PKP3: variants seen among roughly 807,000 people sequenced by gnomAD.
PKP3 encodes the protein plakophilin 3, also known as plakophilin-3.
In PKP3, 66 loss-of-function variants were observed where a neutral mutation model predicts 76.5. The ratio of observed to expected loss-of-function variants is 0.86; its 90% CI spans 0.71 to 1.06. PKP3 has a LOEUF of 1.06. Among genes scored for constraint, PKP3 ranks in the 50% least tolerant of loss-of-function variants. The probability of loss-of-function intolerance (pLI) is 0.00; values close to 1 mark genes in which losing one functional copy is unlikely to be tolerated. For missense variants in PKP3, 1,338 were observed against 1,141.0 expected (o/e 1.17, Z -2.49); for synonymous variants, 638 against 516.5 (o/e 1.24, Z -3.19).
intron 1 of PKP3, chr11:396,027 C>T (rs1429211595): frequency 6.6e-6 from 1 of 152,632 alleles, no homozygotes; most frequent in Admixed American, 6.5e-5. Context: ...CCTGTCTGTC[C>T]ACTCACTGTG....
At position 398,972 on chromosome 11, in the gene PKP3, C is replaced by T. The variant is rs1317046440; in HGVS notation, c.1069-20C>T. 13 of 1,537,436 alleles carry T rather than the reference C, an allele frequency of 8.5e-6. No homozygotes were observed. The Admixed American group carries it at 2.2e-4, about 26-fold the overall frequency. On this transcript the variant is annotated intron_variant, in intron 4 of 12. Coordinates refer to ENST00000331563, the MANE Select transcript of PKP3 (RefSeq NM_007183.4). ...TCCATCCACATGCGTCTGTGCACCC[C>T]CATATGCCTGTGCCCGCAGGCCCGC...
chr11:400,726 G>A (rs1336354706), intron 8 of PKP3, 21 bp downstream of exon 8: 13 of 1,205,256 alleles, frequency 1.1e-5, no homozygotes, highest in Middle Eastern at 3.3e-4. Context: ...GCCTGAGCGG[G>A]GCGTGGGGTG....
chr11:403,888 C>T (rs1202504099), intron 10 of PKP3, 55 bp from the exon 11 acceptor site: 1 of 1,561,410 alleles, frequency 6.4e-7, no homozygotes, highest in East Asian at 2.3e-5. Context: ...CAGGGGACCC[C>T]AGGTGCCCAG....
intron 4 of PKP3, among the ~76,000 whole-genome samples, 171 bp from the exon 5 acceptor site, chr11:398,821 C>CCCGCACACACCTCCGTCACCTCCCTACCG (rs1241317441): frequency 2.3e-4 from 34 of 149,314 alleles, no homozygotes; most frequent in African/African-American, 7.8e-4. Flanking sequence ...CCTCCGTACC[C>CCCGCACACACCTCCGTCACCTCCCTACCG]CCGCACACAC....
intron 4 of PKP3, among the ~76,000 whole-genome samples, chr11:398,302 G>A (rs866684315): frequency 9.3e-4 from 37 of 39,732 alleles, no homozygotes; most frequent in Admixed American, 1.3e-3. Flanking sequence ...CCCTACCCCC[G>A]CACACACCTG....
intron 1 of PKP3, 138 bp downstream of exon 1, chr11:394,662 C>T: frequency 1.5e-6 from 1 of 649,462 alleles, no homozygotes; most frequent in Non-Finnish European, 2.1e-6. Flanking sequence ...CACACCCCGC[C>T]CCAGGGGCGT....
Position 403,070 on chromosome 11 carries a change from C to T in PKP3, c.1738-8C>T, listed in dbSNP as rs1831088822. 1 of 1,485,666 alleles carries T rather than the reference C, an allele frequency of 6.7e-7. No individual in the cohort carries two copies. Among genetic ancestry groups the T allele is most frequent in the Admixed American group, 2.2e-5 (1 of 44,756 alleles). 92.0% of individuals were successfully genotyped at this position (1,485,666 alleles called of 1,614,324 possible). On this transcript the variant is annotated splice_polypyrimidine_tract_variant and splice_region_variant and intron_variant, in intron 8 of 12. Coordinates refer to ENST00000331563, the MANE Select transcript of PKP3 (RefSeq NM_007183.4). ...CCGACCCCGCCGACTCCTCCCCGCC[C>T]TGCGCAGCTGCCCCTCGCCGCCGAT...
At chr11:395,594 C>G (rs1017873473) in intron 1 of PKP3, among the ~76,000 whole-genome samples, 1 of 152,150 alleles carries the variant, frequency 6.6e-6, no homozygotes, top group Non-Finnish European at 1.5e-5. Flanking sequence ...CAGGCTGGGG[C>G]GTGCCCCCAC....
At chr11:395,405 C>G (rs925316017) in intron 1 of PKP3, among the ~76,000 whole-genome samples, 4 of 152,084 alleles carry the variant, frequency 2.6e-5, no homozygotes, top group Non-Finnish European at 4.4e-5. Flanking sequence ...GCGGAGGGGC[C>G]GGCCCGGCGG....
chr11:404,893 T>C lies in PKP3; in HGVS notation c.*324T>C, dbSNP rs1847231479. On this transcript the variant is annotated 3_prime_UTR_variant, in exon 13 of 13. Coordinates refer to ENST00000331563, the MANE Select transcript of PKP3 (RefSeq NM_007183.4). The surrounding 1 kb of genome is among the most constrained non-coding windows in gnomAD (Gnocchi z 4.2). ...GGATAGCCAGCACTGGGAATAAAGA[T>C]GGCCATGAACAGTCACTGCCCTGTG... 3 of 396,534 alleles carry C rather than the reference T, an allele frequency of 7.6e-6. No homozygotes were observed. The Admixed American group carries it at 1.2e-4, about 15-fold the overall frequency. 24.6% of individuals were successfully genotyped at this position (396,534 alleles called of 1,614,324 possible).
At position 403,668 on chromosome 11, in the gene PKP3, C is replaced by T. The variant is rs545111533; in HGVS notation, c.1974C>T (p.Asn658=). ...RLALEQERIL[N]PLLDRVRTAD... is the part of the protein sequence containing the mutation. ...CCCTGGAGCAGGAGCGTATTCTGAA[C>T]CCCCTGCTAGACCGTGTCAGGACCG... Residue 658 remains asparagine (N), a synonymous_variant, in exon 10 of 13, where the codon AAC becomes AAT. Transcript: ENST00000331563. The T allele has an allele frequency of 3.1e-6, 5 of 1,610,154 alleles. No individual in the cohort carries two copies. Among genetic ancestry groups the T allele is most frequent in the South Asian group, 1.1e-5 (1 of 91,074 alleles).
In PKP3 at chr11:397,312, G is replaced by A. The variant is rs767775391; in HGVS notation, c.811G>A (p.Val271Ile). Reference sequence around the variant, plus strand: ...GGTAGGCGGGGCAGTGCCGGGGGCCGTCCTGGAGCCAGTGGCTCGAGCGCC... The same window carrying A: ...GGTAGGCGGGGCAGTGCCGGGGGCCATCCTGGAGCCAGTGGCTCGAGCGCC... ...RGVGGAVPGAVLEPVARAPSV... is the reference protein window; with the variant it reads ...RGVGGAVPGAILEPVARAPSV... The change falls in exon 3 of 13, where the codon GTC (valine) becomes ATC (isoleucine). Residue 271 changes from valine to isoleucine, a missense_variant. Transcript: ENST00000331563. 165 of 1,590,988 alleles carry A rather than the reference G, an allele frequency of 1.0e-4. No homozygotes were observed. The highest frequency in any genetic ancestry group is 1.4e-4 in the Non-Finnish European group (160 of 1,171,092).
Position 400,597 on chromosome 11 carries a change from G to A in PKP3, c.1629G>A (p.Pro543=). 6.8e-7 allele frequency: 1 copy of A among 1,465,866 alleles called. No individual in the cohort carries two copies. The highest frequency in any genetic ancestry group is 8.9e-7 in the Non-Finnish European group (1 of 1,117,888). 90.8% of individuals were successfully genotyped at this position (1,465,866 alleles called of 1,614,324 possible). A position where few individuals can be genotyped will look rare whatever the true frequency, so the allele number is the denominator to read the frequency against. The change falls in exon 8 of 13, where the codon CCG becomes CCA. Residue 543 remains proline, a synonymous_variant. Coordinates refer to ENST00000331563, the MANE Select transcript of PKP3 (RefSeq NM_007183.4). ...NLSYRLYDEM[P]PSALQRLEGR... is the part of the protein sequence containing the mutation. ...CCTACCGCCTCTACGACGAGATGCC[G>A]CCGTCCGCGCTGCAGCGGCTGGAGG...
At chr11:393,704 C>G (rs1474959231), upstream of PKP3, among the ~76,000 whole-genome samples, 2 of 152,100 alleles carry the variant, frequency 1.3e-5, no homozygotes, top group African/African-American at 2.4e-5. Flanking sequence ...GGCACTGACC[C>G]CTGACTCCCG....
At chr11:400,203 C>G (rs1847128134) in intron 6 of PKP3, 62 bp downstream of exon 6, 4 of 1,438,716 alleles carry the variant, frequency 2.8e-6, no homozygotes, top group Admixed American at 2.4e-5. Context: ...GGGACTCCGC[C>G]TGGCCTGGCG....
chr11:394,285 C>T lies in PKP3; in HGVS notation c.-8C>T. 6.7e-7 allele frequency: 1 copy of T among 1,501,682 alleles called. No individual in the cohort carries two copies. The highest frequency in any genetic ancestry group is 8.8e-7 in the Non-Finnish European group (1 of 1,131,994). 93.0% of individuals were successfully genotyped at this position (1,501,682 alleles called of 1,614,324 possible). The stretch of plus-strand genomic sequence containing the variant: ...GCCGCCAGGCCCAGGCCCGGTGGAC[C>T]TGCCGCCATGCAGGACGGTAACTTC... On this transcript the variant is annotated 5_prime_UTR_variant, in exon 1 of 13. Coordinates refer to ENST00000331563, the MANE Select transcript of PKP3 (RefSeq NM_007183.4).
chr11:398,133 ATATACCTCAT>A, intron 4 of PKP3, among the ~76,000 whole-genome samples: 1 of 52,808 alleles, frequency 1.9e-5, no homozygotes, highest in Non-Finnish European at 3.4e-5. Context: ...CTACCCCCAC[ATATACCTCAT>A]CACCTCCGTA....
chr11:403,052 C>G, intron 8 of PKP3, 26 bp from the exon 9 acceptor site: 2 of 1,400,456 alleles, frequency 1.4e-6, no homozygotes. Context: ...ACCCCGACCC[C>G]GCCGACTCCT....
intron 4 of PKP3, among the ~76,000 whole-genome samples, chr11:398,208 G>C (rs538158196): frequency 2.6e-4 from 12 of 45,728 alleles, no homozygotes; most frequent in Admixed American, 2.5e-4. Flanking sequence ...CATCACCTCC[G>C]TACCCCCGCA....
Sources: gnomAD v4.1 joint callset for allele counts (sites outside exome capture counted in the v4.1 genomes callset) on GRCh38, gnomAD v4.1.1 for gene constraint, Gnocchi (gnomAD v3.1) non-coding constraint, MANE v1.5 for transcripts, NCBI Gene and HGNC (gene_info 2026-07-23, HGNC 2026-07-21) for gene names.